The following PIGL variants were observed in gnomAD, a reference collection of about 807,000 sequenced individuals.
The protein encoded by PIGL is N-acetylglucosaminyl-phosphatidylinositol de-N-acetylase.
PIGL carries 22 observed loss-of-function variants against 31.1 expected under a neutral mutation model. The ratio of observed to expected loss-of-function variants is 0.71; its 90% CI spans 0.51 to 1.01. The LOEUF is 1.01. PIGL is among the 50% of genes least tolerant of loss of function. PIGL has a pLI of 0.00. For missense variants in PIGL, 302 were observed against 315.9 expected (o/e 0.96, Z 0.33); for synonymous variants, 131 against 117.4 (o/e 1.12, Z -0.75).
intron 2 of PIGL, among the ~76,000 whole-genome samples, chr17:16,239,004 A>T (rs2092711676): frequency 6.7e-6 from 1 of 148,776 alleles, no homozygotes; most frequent in African/African-American, 2.5e-5. Context: ...TGGCCTCCCG[A>T]AGTGCTGGGA....
chr17:16,285,124 T>C (rs761860752), intron 2 of PIGL, among the ~76,000 whole-genome samples: 4 of 152,192 alleles, frequency 2.6e-5, no homozygotes, highest in Non-Finnish European at 5.9e-5. Context: ...CCTGGCCAAA[T>C]TGGCAATTTT....
At chr17:16,236,927 G>T (rs2092701613) in intron 2 of PIGL, among the ~76,000 whole-genome samples, 1 of 151,716 alleles carries the variant, frequency 6.6e-6, no homozygotes, top group African/African-American at 2.4e-5. Context: ...GAGCTAAGAT[G>T]TATGTTTTTT....
intron 6 of PIGL, among the ~76,000 whole-genome samples, chr17:16,318,455 G>C (rs1169345107): frequency 6.6e-6 from 1 of 151,836 alleles, no homozygotes; most frequent in Non-Finnish European, 1.5e-5. Flanking sequence ...ATTTTTAGTA[G>C]AGCTGGGGTT....
intron 2 of PIGL, among the ~76,000 whole-genome samples, chr17:16,281,130 T>C (rs531330934): frequency 5.9e-5 from 9 of 152,316 alleles, no homozygotes; most frequent in African/African-American, 2.2e-4. Flanking sequence ...AAGGAAATAA[T>C]CATGAAATGT....
chr17:16,237,581 G>A (rs1244266414), intron 2 of PIGL, among the ~76,000 whole-genome samples: 2 of 149,896 alleles, frequency 1.3e-5, no homozygotes, highest in Non-Finnish European at 3.0e-5. Context: ...TGGACAGATC[G>A]CTTGAGCCTA....
At chr17:16,269,424 G>A (rs2092860054) in intron 2 of PIGL, among the ~76,000 whole-genome samples, 1 of 152,154 alleles carries the variant, frequency 6.6e-6, no homozygotes, top group Non-Finnish European at 1.5e-5. Flanking sequence ...GAGGCAGGTG[G>A]ATCATCTGCA....
chr17:16,228,634 C>T lies in PIGL; in HGVS notation c.236-5337C>T, dbSNP rs374059402. Among the ~76,000 whole-genome samples the T allele has an allele frequency of 3.6e-4, 55 of 150,968 alleles. 1 individual carries two copies. In the East Asian group the frequency reaches 7.7e-3, roughly 21 times the overall value. ...CGATCTCCTGACCTCGTGATCCGCC[C>T]GCCTTGGCCTCCCAAAGTGATGGGA... On this transcript the variant is annotated intron_variant, in intron 1 of 6. Coordinates refer to ENST00000225609, the MANE Select transcript of PIGL (RefSeq NM_004278.4).
At chr17:16,291,691 C>A (rs867278584) in intron 2 of PIGL, among the ~76,000 whole-genome samples, 4 of 151,720 alleles carry the variant, frequency 2.6e-5, no homozygotes, top group African/African-American at 7.3e-5. Flanking sequence ...CATGGTGAAA[C>A]CCCTTCTCTA....
intron 1 of PIGL, among the ~76,000 whole-genome samples, chr17:16,231,927 T>G (rs955216047): frequency 2.6e-5 from 4 of 152,206 alleles, no homozygotes; most frequent in South Asian, 2.1e-4. Context: ...TATGGACTAA[T>G]GTGTACATTA....
chr17:16,231,428 C>G (rs2092679064), intron 1 of PIGL, among the ~76,000 whole-genome samples: 1 of 151,686 alleles, frequency 6.6e-6, no homozygotes, highest in Non-Finnish European at 1.5e-5. Context: ...TTTGTGAAAA[C>G]AGGGTCTCAC....
Position 16,326,316 on chromosome 17 carries a change from A to C in PIGL, c.*418A>C. The C allele has an allele frequency of 1.2e-5, 2 of 168,722 alleles. No individual in the cohort carries two copies. Among genetic ancestry groups the C allele is most frequent in the Non-Finnish European group, 2.5e-5 (2 of 78,434 alleles). The allele number at this position is 168,722 out of a possible 1,614,324, so 10.5% of individuals were successfully genotyped here. A position where few individuals can be genotyped will look rare whatever the true frequency, so the allele number is the denominator to read the frequency against. ...GGTTCACCAAAAACACATACACAAA[A>C]TGCAACAGTGTGTGTTGAATTGGTT... On this transcript the variant is annotated 3_prime_UTR_variant, in exon 7 of 7. Coordinates refer to ENST00000225609, the MANE Select transcript of PIGL (RefSeq NM_004278.4).
rs187230794 is a variant in PIGL, at chr17:16,245,793, T to C, written c.335+11723T>C. Among the ~76,000 whole-genome samples the C allele has an allele frequency of 5.2e-3, 723 of 137,994 alleles. 4 individuals carry two copies. The highest frequency in any genetic ancestry group is 0.021 in the South Asian group (91 of 4,234). The allele number at this position is 137,994 out of a possible 152,430, so 90.5% of individuals were successfully genotyped here. Reference sequence around the variant, plus strand: ...ATACACACACACATATATATATATATACACACACACACATATATATATATA... The same window carrying C: ...ATACACACACACATATATATATATACACACACACACACATATATATATATA... On this transcript the variant is annotated intron_variant, in intron 2 of 6. Coordinates refer to ENST00000225609, the MANE Select transcript of PIGL (RefSeq NM_004278.4).
At position 16,317,896 on chromosome 17, in the gene PIGL, G is replaced by T; in HGVS notation, c.648G>T (p.Val216=). ...TCTTCGTGCTCAACAGCAAAGAAGT[G>T]GCACAGGCCAAGGTGAGGATTGTAA... ...DVLFVLNSKE[V]AQAKKAMSCH... Residue 216 remains valine, a synonymous_variant, in exon 6 of 7, where the codon GTG becomes GTT. Coordinates refer to ENST00000225609, the MANE Select transcript of PIGL (RefSeq NM_004278.4). 1 of 1,613,176 alleles carries T rather than the reference G, an allele frequency of 6.2e-7. No homozygotes were observed. The highest frequency in any genetic ancestry group is 1.1e-5 in the South Asian group (1 of 91,066).
intron 2 of PIGL, among the ~76,000 whole-genome samples, chr17:16,243,658 A>AG (rs2092732387): frequency 6.6e-6 from 1 of 152,210 alleles, no homozygotes; most frequent in African/African-American, 2.4e-5. Context: ...AAACCTCGAA[A>AG]GATACATGGT....
intron 3 of PIGL, among the ~76,000 whole-genome samples, chr17:16,306,743 G>A (rs2093028085): frequency 6.6e-6 from 1 of 151,906 alleles, no homozygotes. Context: ...TGATCAGGCT[G>A]GTCTCGAACC....
At chr17:16,252,176 C>T (rs142458724) in intron 2 of PIGL, among the ~76,000 whole-genome samples, 7 of 151,478 alleles carry the variant, frequency 4.6e-5, no homozygotes, top group East Asian at 3.9e-4. Flanking sequence ...CAGGTTCAAG[C>T]GATGCTCCTG....
chr17:16,228,637 C>T (rs1343965022), intron 1 of PIGL, among the ~76,000 whole-genome samples: 4 of 152,150 alleles, frequency 2.6e-5, no homozygotes, highest in Non-Finnish European at 5.9e-5. Context: ...ATCCGCCCGC[C>T]TTGGCCTCCC....
intron 2 of PIGL, among the ~76,000 whole-genome samples, chr17:16,273,690 AAAGAT>A (rs1404205359): frequency 6.6e-6 from 1 of 152,156 alleles, no homozygotes; most frequent in Non-Finnish European, 1.5e-5. Flanking sequence ...ATTGGTTGTC[AAAGAT>A]AAGAGGGAGG....
chr17:16,312,068 TGGCTGGCCGGGTGGG>T (rs2093053538), intron 3 of PIGL, among the ~76,000 whole-genome samples: 1 of 102,706 alleles, frequency 9.7e-6, no homozygotes, highest in Admixed American at 1.0e-4. Flanking sequence ...CCGGACGGGG[TGGCTGGCCGGGTGGG>T]GGCTGCCCCC....
Sources: allele counts gnomAD v4.1 joint callset (sites outside exome capture counted in the v4.1 genomes callset), GRCh38; gene constraint gnomAD v4.1.1; transcripts MANE v1.5; gene names NCBI Gene and HGNC (gene_info 2026-07-23, HGNC 2026-07-21).